The following LDB3 variants were observed in gnomAD, a reference collection of about 807,000 sequenced individuals.
The protein encoded by LDB3 is LIM domain binding 3.
LDB3 carries 49 observed loss-of-function variants against 69.0 expected under a neutral mutation model. That is an observed-to-expected ratio of 0.71 (90% CI 0.56 to 0.90). The LOEUF is 0.90. LDB3 is among the 40% of genes least tolerant of loss of function. The pLI, the probability that LDB3 is intolerant of heterozygous loss-of-function variation, is 0.00. For synonymous variants in LDB3, 387 were observed against 396.2 expected (o/e 0.98, Z 0.28); for missense variants, 928 against 974.1 (o/e 0.95, Z 0.63).
At chr10:86,728,066 T>C (rs1847322983) in intron 13 of LDB3, among the ~76,000 whole-genome samples, 1 of 152,186 alleles carries the variant, frequency 6.6e-6, no homozygotes, top group African/African-American at 2.4e-5. Context: ...GTAAGTATAC[T>C]GGCTTTGGGT....
At chr10:86,668,390 C>T (rs777092852), upstream of LDB3, 5 of 479,378 alleles carry the variant, frequency 1.0e-5, no homozygotes, top group South Asian at 4.1e-5. Flanking sequence ...CTATATTAGC[C>T]GTGTGAGTCA....
At chr10:86,732,858 G>A (rs1319414574) in intron 13 of LDB3, 29 bp from the exon 14 acceptor site, 5 of 1,582,590 alleles carry the variant, frequency 3.2e-6, no homozygotes. Flanking sequence ...TGCCACGTGG[G>A]TCTCACGCAG....
chr10:86,713,611 C>G (rs1440531808), intron 9 of LDB3, among the ~76,000 whole-genome samples: 1 of 152,146 alleles, frequency 6.6e-6, no homozygotes, highest in Non-Finnish European at 1.5e-5. Flanking sequence ...TGCACAGAAC[C>G]CCCTTATATA....
chr10:86,720,407 G>C, intron 12 of LDB3, among the ~76,000 whole-genome samples: 1 of 151,650 alleles, frequency 6.6e-6, no homozygotes, highest in Non-Finnish European at 1.5e-5. Flanking sequence ...TACTGCCGTT[G>C]CACTCCAGCC....
At position 86,723,268 on chromosome 10, in the gene LDB3, TAAAAAAAAAAAA is replaced by T. The variant is rs56259917; in HGVS notation, c.1979-2854_1979-2843del. On this transcript the variant is annotated intron_variant, in intron 12 of 13. Coordinates refer to ENST00000361373, the MANE Select transcript of LDB3 (RefSeq NM_007078.3). ...CTGTGTGACAGAGCAAGACTCAATC[TAAAAAAAAAAAA>T]AAAAAAAAAAAAAAGGAGATGATGG... is the stretch of plus-strand genomic sequence containing the variant. Among the ~76,000 whole-genome samples, 17 of 49,118 alleles carry T rather than the reference TAAAAAAAAAAAA, an allele frequency of 3.5e-4. No individual in the cohort carries two copies. The South Asian group carries it at 0.015, about 44-fold the overall frequency. The allele number at this position is 49,118 out of a possible 152,430, so 32.2% of individuals were successfully genotyped here.
At chr10:86,692,394 C>A in intron 6 of LDB3, 141 bp from the exon 7 acceptor site, 1 of 897,924 alleles carries the variant, frequency 1.1e-6, no homozygotes. Context: ...GGGCCTCTGC[C>A]CAGCACACAG....
At chr10:86,732,003 CTTTTTCTTT>C (rs760645041) in intron 13 of LDB3, among the ~76,000 whole-genome samples, 3,140 of 123,234 alleles carry the variant, frequency 0.025, 112 homozygotes, top group African/African-American at 0.091. Context: ...TTCTTTCTTT[CTTTTTCTTT>C]TTTTTTTTTT....
intron 12 of LDB3, among the ~76,000 whole-genome samples, chr10:86,721,464 C>G (rs1280293041): frequency 6.6e-6 from 1 of 152,168 alleles, no homozygotes; most frequent in Non-Finnish European, 1.5e-5. Flanking sequence ...TGGGTCAGCC[C>G]TTCACAGATG....
intron 12 of LDB3, among the ~76,000 whole-genome samples, chr10:86,723,535 G>A (rs968599686): frequency 3.9e-5 from 6 of 152,098 alleles, no homozygotes; most frequent in Non-Finnish European, 8.8e-5. Flanking sequence ...AAAGTCCAGG[G>A]CACCATGAGA....
At chr10:86,669,057 CAGGCAGGT>C (rs1013607876) in intron 2 of LDB3, among the ~76,000 whole-genome samples, 4 of 151,260 alleles carry the variant, frequency 2.6e-5, no homozygotes, top group African/African-American at 9.7e-5. Flanking sequence ...GGCAGGCAGG[CAGGCAGGT>C]AGCTGGACAG....
At chr10:86,727,244 A>T (rs1425565530) in intron 13 of LDB3, among the ~76,000 whole-genome samples, 1 of 151,474 alleles carries the variant, frequency 6.6e-6, no homozygotes, top group Non-Finnish European at 1.5e-5. Flanking sequence ...CTGGTCTCAA[A>T]CTCCTGACCT....
rs767506648 is a variant in LDB3 at position 86,709,953 on chromosome 10, T to C, written c.1134T>C (p.Pro378=). 1.9e-6 allele frequency: 3 copies of C among 1,612,948 alleles called. No homozygotes were observed. The highest frequency in any genetic ancestry group is 2.5e-6 in the Non-Finnish European group (3 of 1,179,970). The stretch of plus-strand genomic sequence containing the variant: ...CCGCAGTGGCCGCCTCTTCAGCACC[T>C]GCCACCCACACCAGCTACAGTGAGG... ...YSPAVAASSA[P]ATHTSYSEGP... The change falls in exon 9 of 14, where the codon CCT becomes CCC. Residue 378 remains proline (P), a synonymous_variant. Transcript: ENST00000361373.
intron 2 of LDB3, among the ~76,000 whole-genome samples, chr10:86,677,522 A>G (rs1416477830): frequency 1.3e-5 from 2 of 152,190 alleles, no homozygotes; most frequent in Non-Finnish European, 2.9e-5. Flanking sequence ...GATGTCCCCA[A>G]GAGTGCAGTC....
intron 13 of LDB3, among the ~76,000 whole-genome samples, chr10:86,730,662 CCA>C (rs1847423029): frequency 6.6e-6 from 1 of 152,190 alleles, no homozygotes; most frequent in Non-Finnish European, 1.5e-5. Flanking sequence ...CCTCTGAGCC[CCA>C]GTTTTTTCAG....
chr10:86,703,558 G>A (rs927904620), intron 7 of LDB3, among the ~76,000 whole-genome samples: 1 of 152,218 alleles, frequency 6.6e-6, no homozygotes, highest in African/African-American at 2.4e-5. Flanking sequence ...GGAGAAGGAT[G>A]GCACTCTCTC....
At position 86,735,167 on chromosome 10, in the gene LDB3, G is replaced by T. The variant is rs1302632567; in HGVS notation, c.*2191G>T. The stretch of plus-strand genomic sequence containing the variant: ...TATCTCAAAGGACGGTTTCACCACC[G>T]TCCTTTATTGAATCAATTTTTCTAC... On this transcript the variant is annotated 3_prime_UTR_variant, in exon 14 of 14. Transcript: ENST00000361373. 6.8e-6 allele frequency: 1 copy of T among 147,658 alleles called. No homozygotes were observed. The highest frequency in any genetic ancestry group is 1.5e-5 in the Non-Finnish European group (1 of 67,450). 9.1% of individuals were successfully genotyped at this position (147,658 alleles called of 1,614,324 possible). A position where few individuals can be genotyped will look rare whatever the true frequency, so the allele number is the denominator to read the frequency against.
At position 86,716,610 on chromosome 10, in the gene LDB3, C is replaced by T. The variant is rs1564657607; in HGVS notation, c.1515C>T (p.Ser505=). ...SFSQKFAPGK[S]TTSISKQTLP... is the part of the protein sequence containing the mutation. ...CCCAGAAGTTTGCCCCGGGCAAGAG[C>T]ACCACCTCCATCAGCAAGCAGACCC... is the stretch of plus-strand genomic sequence containing the variant. The change falls in exon 10 of 14, where the codon AGC becomes AGT. Residue 505 remains serine (S), a synonymous_variant. Transcript: ENST00000361373. 1.6e-5 allele frequency: 26 copies of T among 1,613,860 alleles called. No individual in the cohort carries two copies. The highest frequency in any genetic ancestry group is 2.2e-5 in the Non-Finnish European group (26 of 1,179,944).
chr10:86,673,318 A>G (rs1332691073), intron 2 of LDB3, among the ~76,000 whole-genome samples: 1 of 152,238 alleles, frequency 6.6e-6, no homozygotes, highest in Admixed American at 6.5e-5. Context: ...CTTTGGACAC[A>G]GAAGGTCATT....
intron 9 of LDB3, among the ~76,000 whole-genome samples, chr10:86,712,484 G>C (rs1355200363): frequency 1.3e-5 from 2 of 152,140 alleles, no homozygotes. Context: ...GAGTCTGGCA[G>C]CCTGAGCTCG....
Sources: allele counts gnomAD v4.1 joint callset (sites outside exome capture counted in the v4.1 genomes callset), GRCh38; gene constraint gnomAD v4.1.1; transcripts MANE v1.5; gene names NCBI Gene and HGNC (gene_info 2026-07-23, HGNC 2026-07-21).